FSTL5: variants seen among roughly 807,000 people sequenced by gnomAD.
The protein encoded by FSTL5 is follistatin like 5.
FSTL5 carries 62 observed loss-of-function variants against 89.1 expected under a neutral mutation model. The observed-to-expected ratio is 0.70, with a 90% CI of 0.57 to 0.86. The LOEUF (loss-of-function observed/expected upper bound fraction) is 0.86, where lower values mean the gene tolerates loss of function less well. Ranked by LOEUF, FSTL5 falls within the 40% of genes least tolerant of loss-of-function variation. The pLI, the probability that FSTL5 is intolerant of heterozygous loss-of-function variation, is 0.00. For missense variants in FSTL5, 1,057 were observed against 1,001.6 expected, an observed-to-expected ratio of 1.06 and a Z score of -0.75; for synonymous variants, 383 against 346.2, an observed-to-expected ratio of 1.11 and a Z score of -1.18.
At chr4:162,017,324 T>C (rs978519176) in intron 3 of FSTL5, among the ~76,000 whole-genome samples, 2 of 152,172 alleles carry the variant, frequency 1.3e-5, no homozygotes, top group African/African-American at 4.8e-5. Context: ...GTTTTTGTTT[T>C]TTCAGATAAA....
chr4:161,520,274 C>T (rs1730977309), intron 10 of FSTL5, among the ~76,000 whole-genome samples: 1 of 151,612 alleles, frequency 6.6e-6, no homozygotes, highest in African/African-American at 2.4e-5. Flanking sequence ...TATATTCCTA[C>T]TACATATTCT....
chr4:162,095,006 G>A (rs1730695736), intron 2 of FSTL5, among the ~76,000 whole-genome samples: 1 of 151,836 alleles, frequency 6.6e-6, no homozygotes, highest in Admixed American at 6.6e-5. Context: ...TTCAAAAATG[G>A]CTTTTCATAT....
intron 7 of FSTL5, among the ~76,000 whole-genome samples, chr4:161,609,065 G>A (rs569445633): frequency 7.4e-4 from 112 of 151,824 alleles, no homozygotes; most frequent in African/African-American, 2.5e-3. Context: ...TACATTTTGT[G>A]TGATTATTTG....
intron 1 of FSTL5, among the ~76,000 whole-genome samples, chr4:162,113,909 C>A (rs114362724): frequency 1.3e-5 from 2 of 152,196 alleles, no homozygotes; most frequent in African/African-American, 4.8e-5. Flanking sequence ...TGGGTCTTCT[C>A]CATTAGATAT....
chr4:161,631,969 C>G (rs1735519313), intron 7 of FSTL5, among the ~76,000 whole-genome samples: 1 of 152,138 alleles, frequency 6.6e-6, no homozygotes, highest in Non-Finnish European at 1.5e-5. Flanking sequence ...TAGAAGTACA[C>G]TGAAGCTATA....
chr4:161,539,649 A>T (rs1731749816), intron 9 of FSTL5, among the ~76,000 whole-genome samples: 1 of 152,144 alleles, frequency 6.6e-6, no homozygotes, highest in Admixed American at 6.6e-5. Context: ...GCATTAAAGC[A>T]GCCAGGCAAT....
intron 4 of FSTL5, among the ~76,000 whole-genome samples, chr4:161,859,568 A>G (rs910890560): frequency 6.6e-6 from 1 of 152,222 alleles, no homozygotes; most frequent in East Asian, 1.9e-4. Context: ...AAAAATATAT[A>G]CTTGCTCAAT....
chr4:161,657,301 A>T (rs574884818), intron 6 of FSTL5, among the ~76,000 whole-genome samples: 9 of 152,330 alleles, frequency 5.9e-5, no homozygotes, highest in African/African-American at 2.2e-4. Context: ...GCATCCATGT[A>T]AAAACTGACC....
chr4:161,640,918 A>G (rs1490611302), intron 7 of FSTL5, among the ~76,000 whole-genome samples: 2 of 146,220 alleles, frequency 1.4e-5, no homozygotes, highest in Non-Finnish European at 2.9e-5. Context: ...AACAGCAATG[A>G]ATCACATACA....
At chr4:161,431,417 T>C (rs957443336) in intron 15 of FSTL5, among the ~76,000 whole-genome samples, 3 of 151,522 alleles carry the variant, frequency 2.0e-5, no homozygotes, top group African/African-American at 4.8e-5. Flanking sequence ...AGTTAAAAGA[T>C]ATTATTTGTA....
At chr4:161,619,419 G>A (rs1282770100) in intron 7 of FSTL5, among the ~76,000 whole-genome samples, 2 of 152,218 alleles carry the variant, frequency 1.3e-5, no homozygotes, top group African/African-American at 2.4e-5. Flanking sequence ...CAAAATGGGA[G>A]ATAATTTTCC....
At chr4:162,002,867 G>A (rs879669875) in intron 3 of FSTL5, among the ~76,000 whole-genome samples, 5 of 151,916 alleles carry the variant, frequency 3.3e-5, no homozygotes, top group Admixed American at 6.6e-5. Flanking sequence ...AGAGGTGGCC[G>A]GGTGCAGTGG....
chr4:162,107,760 C>T (rs576462005), intron 2 of FSTL5, among the ~76,000 whole-genome samples: 26 of 152,158 alleles, frequency 1.7e-4, no homozygotes, highest in African/African-American at 5.8e-4. Context: ...CTATCATCAT[C>T]GTCTTTATTT....
At chr4:161,552,639 C>T (rs1039305983) in intron 8 of FSTL5, 1 of 151,528 alleles carries the variant, frequency 6.6e-6, no homozygotes, top group Admixed American at 6.6e-5. Context: ...AATTTTAATT[C>T]TCATATAGAT....
chr4:161,963,970 G>C (rs914396598), intron 3 of FSTL5, among the ~76,000 whole-genome samples: 77 of 151,962 alleles, frequency 5.1e-4, no homozygotes, highest in African/African-American at 1.8e-3. Flanking sequence ...GTTATATACA[G>C]AATTGAATTA....
rs141561693 is a variant in FSTL5 at position 161,842,030 on chromosome 4, C to T, written c.410-65956G>A. Among the ~76,000 whole-genome samples the T allele has an allele frequency of 1.8e-4, 27 of 152,196 alleles. No homozygotes were observed. In the East Asian group the frequency reaches 5.2e-3, roughly 29 times the overall value. ...AAGGACTCCAACAGAGCGAGGACACCTTGTGACATCAATATAAATAGCTGC... is the reference window on the plus strand; with the variant it reads ...AAGGACTCCAACAGAGCGAGGACACTTTGTGACATCAATATAAATAGCTGC... On this transcript the variant is annotated intron_variant, in intron 4 of 15. Transcript: ENST00000306100.
At chr4:161,857,716 C>T (rs570688213) in intron 4 of FSTL5, among the ~76,000 whole-genome samples, 119 of 152,260 alleles carry the variant, frequency 7.8e-4, no homozygotes, top group Admixed American at 1.3e-3. Flanking sequence ...GTTTTATTCA[C>T]AGATTATTTG....
At chr4:161,739,999 T>TC (rs1309732108) in intron 6 of FSTL5, among the ~76,000 whole-genome samples, 3 of 139,876 alleles carry the variant, frequency 2.1e-5, no homozygotes, top group Non-Finnish European at 4.7e-5. Flanking sequence ...ATAGTATCTA[T>TC]TTATTTATTT....
intron 15 of FSTL5, among the ~76,000 whole-genome samples, chr4:161,422,083 T>G (rs919354005): frequency 2.7e-5 from 4 of 150,612 alleles, no homozygotes; most frequent in Non-Finnish European, 4.5e-5. Context: ...TATATGAATA[T>G]ATGAAGAGAT....
Sources: gnomAD v4.1 joint callset for allele counts (sites outside exome capture counted in the v4.1 genomes callset) on GRCh38, gnomAD v4.1.1 for gene constraint, MANE v1.5 for transcripts, NCBI Gene and HGNC (gene_info 2026-07-23, HGNC 2026-07-21) for gene names.